Variants in FAM162A observed in about 807,000 individuals in gnomAD.
FAM162A encodes the protein protein FAM162A.
In FAM162A, 23 loss-of-function variants were observed where a neutral mutation model predicts 21.8. The observed-to-expected ratio is 1.05, with a 90% confidence interval of 0.76 to 1.49. FAM162A has a LOEUF of 1.49. Among genes scored for constraint, FAM162A ranks in the 40% most tolerant of loss-of-function variants. The pLI is 0.00. For synonymous variants in FAM162A, 53 were observed against 61.3 expected (o/e 0.86, Z 0.64); for missense variants, 165 against 186.4 (o/e 0.89, Z 0.67).
chr3:122,392,709 T>C (rs1441981943), intron 1 of FAM162A, among the ~76,000 whole-genome samples: 1 of 152,116 alleles, frequency 6.6e-6, no homozygotes, highest in African/African-American at 2.4e-5. Flanking sequence ...AACACTAAAA[T>C]TTGAAGATCA....
At chr3:122,388,273 G>A (rs2075583593) in intron 1 of FAM162A, among the ~76,000 whole-genome samples, 1 of 152,202 alleles carries the variant, frequency 6.6e-6, no homozygotes, top group Non-Finnish European at 1.5e-5. Flanking sequence ...GAGGACTACA[G>A]AAGTATTGCC....
intron 1 of FAM162A, among the ~76,000 whole-genome samples, chr3:122,397,310 C>T (rs1333954798): frequency 2.8e-4 from 42 of 152,108 alleles, no homozygotes; most frequent in Non-Finnish European, 3.2e-4. Context: ...CCTCTCTCAC[C>T]TCCCCTTACT....
At chr3:122,385,283 G>C (rs1049215783) in intron 1 of FAM162A, among the ~76,000 whole-genome samples, 1 of 151,940 alleles carries the variant, frequency 6.6e-6, no homozygotes, top group African/African-American at 2.4e-5. Context: ...CTAGTGTTCC[G>C]GTAGAGAATG....
chr3:122,386,900 G>T (rs1559998105), intron 1 of FAM162A, among the ~76,000 whole-genome samples: 1 of 152,150 alleles, frequency 6.6e-6, no homozygotes, highest in East Asian at 1.9e-4. Flanking sequence ...TTTTGAGAGA[G>T]AGGGTCCATA....
intron 1 of FAM162A, among the ~76,000 whole-genome samples, chr3:122,393,777 C>T (rs1217629931): frequency 6.6e-6 from 1 of 152,154 alleles, no homozygotes; most frequent in Non-Finnish European, 1.5e-5. Context: ...ATCTGGAAAG[C>T]TCTGACATAT....
At chr3:122,385,983 T>C (rs949605348) in intron 1 of FAM162A, among the ~76,000 whole-genome samples, 1 of 152,200 alleles carries the variant, frequency 6.6e-6, no homozygotes, top group Admixed American at 6.5e-5. Flanking sequence ...AGATGACTTG[T>C]CCAGGATCTC....
chr3:122,402,913 T>C (rs2075659580), intron 2 of FAM162A, 31 bp downstream of exon 2: 1 of 1,573,574 alleles, frequency 6.4e-7, no homozygotes, highest in Admixed American at 2.0e-5. Flanking sequence ...TTTATGGAGT[T>C]GGTAGCTCCC....
chr3:122,394,378 A>ACACAG (rs1284995299), intron 1 of FAM162A, among the ~76,000 whole-genome samples: 2 of 152,202 alleles, frequency 1.3e-5, no homozygotes, highest in Non-Finnish European at 1.5e-5. Flanking sequence ...CAACATGCAC[A>ACACAG]CACAGCCCGT....
In FAM162A at chr3:122,407,356, A is replaced by G. The variant is rs2075681351; in HGVS notation, c.339A>G (p.Val113=). ...ISYLMIALTV[V]GCIFMVIEGK... is the part of the protein sequence containing the mutation. ...ATCTAATGATTGCCCTGACGGTGGTAGGATGCATCTTCATGGTTATTGAGG... is the reference window on the plus strand; with the variant it reads ...ATCTAATGATTGCCCTGACGGTGGTGGGATGCATCTTCATGGTTATTGAGG... The change falls in exon 4 of 5, where the codon GTA becomes GTG. Residue 113 remains valine (V), a synonymous_variant. Transcript: ENST00000477892. 8 of 1,614,066 alleles carry G rather than the reference A, an allele frequency of 5.0e-6. No homozygotes were observed. Among genetic ancestry groups the G allele is most frequent in the Non-Finnish European group, 6.8e-6 (8 of 1,179,958 alleles).
chr3:122,388,617 G>A (rs373982950), intron 1 of FAM162A, among the ~76,000 whole-genome samples: 83 of 152,268 alleles, frequency 5.5e-4, no homozygotes, highest in Admixed American at 8.5e-4. Context: ...GGTCATAGAG[G>A]TTGGAGATGA....
At chr3:122,386,509 G>T (rs1005452055) in intron 1 of FAM162A, among the ~76,000 whole-genome samples, 1 of 147,630 alleles carries the variant, frequency 6.8e-6, no homozygotes, top group African/African-American at 2.5e-5. Flanking sequence ...GCTATAATAC[G>T]ATCATGCTAC....
chr3:122,401,291 C>A, intron 1 of FAM162A: 1 of 543,366 alleles, frequency 1.8e-6, no homozygotes, highest in Non-Finnish European at 2.4e-6. Context: ...CTGATTGTAT[C>A]TCTTATTTTG....
chr3:122,384,436 C>T, intron 1 of FAM162A, 137 bp downstream of exon 1: 2 of 1,077,512 alleles, frequency 1.9e-6, no homozygotes, highest in Non-Finnish European at 2.7e-6. Context: ...ATCCTACCTA[C>T]TTAGTAGCCA....
rs571412606 is a variant in FAM162A at position 122,403,355 on chromosome 3, G to A, written c.157+473G>A. Among the ~76,000 whole-genome samples the A allele has an allele frequency of 8.5e-5, 13 of 152,326 alleles. No individual in the cohort carries two copies. The East Asian group carries it at 2.5e-3, about 29-fold the overall frequency. The stretch of plus-strand genomic sequence containing the variant: ...ATTTGTCATTTTCATCTTCTTGCCT[G>A]TAGGGTTGGACTGGAGCTTTCTGTA... On this transcript the variant is annotated intron_variant, in intron 2 of 4. Coordinates refer to ENST00000477892, the MANE Select transcript of FAM162A (RefSeq NM_014367.4).
rs1310979065 is a variant in FAM162A at position 122,411,356 on chromosome 3, AAG to A, written c.*1526_*1527del. 3 of 152,168 alleles carry A rather than the reference AAG, an allele frequency of 2.0e-5. No individual in the cohort carries two copies. Among genetic ancestry groups the A allele is most frequent in the Non-Finnish European group, 4.4e-5 (3 of 68,032 alleles). 9.4% of individuals were successfully genotyped at this position (152,168 alleles called of 1,614,324 possible). On this transcript the variant is annotated 3_prime_UTR_variant, in exon 5 of 5. Transcript: ENST00000477892. ...TATCACTTGCAAATTTATTTTCAAA[AAG>A]CATAGTTTCTTGTACATTTTAGAAG... is the stretch of plus-strand genomic sequence containing the variant.
intron 4 of FAM162A, 137 bp from the exon 5 acceptor site, chr3:122,409,602 A>G: frequency 1.4e-6 from 1 of 705,236 alleles, no homozygotes; most frequent in Non-Finnish European, 2.5e-6. Flanking sequence ...CATAGAGGAA[A>G]CTGCCGTGCT....
At chr3:122,408,438 A>G (rs1018134828) in intron 4 of FAM162A, among the ~76,000 whole-genome samples, 4 of 152,244 alleles carry the variant, frequency 2.6e-5, no homozygotes, top group African/African-American at 9.6e-5. Flanking sequence ...GTCCTTCTAT[A>G]CACGCACTCT....
chr3:122,402,623 A>G (rs575946022), intron 1 of FAM162A, 137 bp from the exon 2 acceptor site: 10 of 671,322 alleles, frequency 1.5e-5, no homozygotes, highest in Admixed American at 1.2e-4. Context: ...TACTATGTGT[A>G]TCTTACATAT....
chr3:122,407,399 G>C lies in FAM162A; in HGVS notation c.372+10G>C, dbSNP rs1212167375. ...TATTGAGGGCAAGAAGGTGAGAAGG[G>C]GTTTCTTCTCTATCCAGTATGTATG... On this transcript the variant is annotated intron_variant, in intron 4 of 4. Transcript: ENST00000477892. 1.3e-6 allele frequency: 2 copies of C among 1,590,630 alleles called. No individual in the cohort carries two copies. The highest frequency in any genetic ancestry group is 1.7e-6 in the Non-Finnish European group (2 of 1,158,818).
Sources: gnomAD v4.1 joint callset for allele counts (sites outside exome capture counted in the v4.1 genomes callset) on GRCh38, gnomAD v4.1.1 for gene constraint, MANE v1.5 for transcripts, NCBI Gene and HGNC (gene_info 2026-07-23, HGNC 2026-07-21) for gene names.